CDK1: variants seen among roughly 807,000 people sequenced by gnomAD.
CDK1 encodes cyclin-dependent kinase 1.
CDK1 carries 5 observed loss-of-function variants against 34.6 expected under a neutral mutation model. The ratio of observed to expected loss-of-function variants is 0.14; its 90% CI spans 0.08 to 0.30. The LOEUF is 0.30. Among genes scored for constraint, CDK1 ranks in the 10% least tolerant of loss-of-function variants. The pLI is 1.00. For synonymous variants in CDK1, 108 were observed against 114.7 expected (o/e 0.94, Z 0.37); for missense variants, 157 against 345.7 (o/e 0.45, Z 4.33).
In CDK1 at chr10:60,784,235, AT is replaced by A. The variant is rs3213044; in HGVS notation, c.38-467del. Among the ~76,000 whole-genome samples, 640 of 152,304 alleles carry A rather than the reference AT, an allele frequency of 4.2e-3. 2 individuals are homozygous for A. Among genetic ancestry groups the A allele is most frequent in the Non-Finnish European group, 6.9e-3 (466 of 68,022 alleles). ...GCCATACAGATTGTAGTTACTCTCAATTTCTTTTTGGAAGCAATGAGGGTAT... is the reference window on the plus strand; with the variant it reads ...GCCATACAGATTGTAGTTACTCTCAATTCTTTTTGGAAGCAATGAGGGTAT... On this transcript the variant is annotated intron_variant, in intron 2 of 7. Coordinates refer to ENST00000395284, the MANE Select transcript of CDK1 (RefSeq NM_001786.5).
chr10:60,790,739 C>A (rs894005657), intron 5 of CDK1, among the ~76,000 whole-genome samples: 3 of 152,252 alleles, frequency 2.0e-5, no homozygotes, highest in Non-Finnish European at 2.9e-5. Flanking sequence ...CATTGTTCTG[C>A]ATGTGGATTA....
intron 4 of CDK1, chr10:60,787,179 C>A: frequency 2.3e-6 from 1 of 441,600 alleles, no homozygotes; most frequent in Non-Finnish European, 3.0e-6. Flanking sequence ...CACTAGAAAC[C>A]ATACTTCATT....
rs3213047 is a variant in CDK1, at chr10:60,785,493, C to T, written c.195-171C>T. ...TACAAGGCTTAATTTTAAATAGTTG[C>T]CCTGAGATTCCTTTCTTAAATTTGA... On this transcript the variant is annotated intron_variant, in intron 3 of 7. Transcript: ENST00000395284. 6.4e-3 allele frequency among the ~76,000 whole-genome samples: 970 copies of T among 152,270 alleles called. 12 individuals carry two copies. The highest frequency in any genetic ancestry group is 0.022 in the African/African-American group (931 of 41,558).
intron 5 of CDK1, among the ~76,000 whole-genome samples, chr10:60,789,152 G>A (rs533830269): frequency 2.8e-4 from 43 of 152,168 alleles, no homozygotes; most frequent in African/African-American, 1.0e-3. Flanking sequence ...GGTACAGTGT[G>A]GTATTTGGAT....
chr10:60,791,298 G>A (rs2080358170), intron 5 of CDK1, among the ~76,000 whole-genome samples: 1 of 151,902 alleles, frequency 6.6e-6, no homozygotes, highest in African/African-American at 2.4e-5. Flanking sequence ...CTTTCTTGAT[G>A]TTATTTTTCA....
chr10:60,790,389 A>G (rs1213411740), intron 5 of CDK1, among the ~76,000 whole-genome samples: 2 of 152,088 alleles, frequency 1.3e-5, no homozygotes, highest in Non-Finnish European at 2.9e-5. Flanking sequence ...GCCCATACAC[A>G]GGCATGCACC....
At chr10:60,786,217 A>T (rs1456240664) in intron 4 of CDK1, 26 of 914,416 alleles carry the variant, frequency 2.8e-5, no homozygotes, top group Non-Finnish European at 3.3e-5. Context: ...ACTGAAGTAT[A>T]TAAAAGTGTC....
chr10:60,794,675 A>G lies in CDK1; in HGVS notation c.*700A>G, dbSNP rs1024932526. ...GTAGGTTTTGAAAGCTTTTTGTCTA[A>G]GTGAATTCTTATGCCTTGGTCAGAG... is the stretch of plus-strand genomic sequence containing the variant. On this transcript the variant is annotated 3_prime_UTR_variant, in exon 8 of 8. Coordinates refer to ENST00000395284, the MANE Select transcript of CDK1 (RefSeq NM_001786.5). The G allele has an allele frequency of 6.6e-6, 1 of 152,130 alleles. No individual in the cohort carries two copies. Among genetic ancestry groups the G allele is most frequent in the African/African-American group, 2.4e-5 (1 of 41,444 alleles). 9.4% of individuals were successfully genotyped at this position (152,130 alleles called of 1,614,324 possible).
At chr10:60,788,847 C>G (rs746734403) in intron 5 of CDK1, among the ~76,000 whole-genome samples, 14 of 152,080 alleles carry the variant, frequency 9.2e-5, no homozygotes, top group Non-Finnish European at 1.5e-4. Flanking sequence ...AAGACTGTCT[C>G]CAGATCAAAA....
intron 2 of CDK1, among the ~76,000 whole-genome samples, chr10:60,780,688 T>C (rs1250585608): frequency 1.3e-5 from 2 of 152,140 alleles, no homozygotes; most frequent in Non-Finnish European, 2.9e-5. Flanking sequence ...AAATGACCTG[T>C]CATATAGACA....
Position 60,786,690 on chromosome 10 carries a change from A to G in CDK1, c.318+903A>G, listed in dbSNP as rs113978841. On this transcript the variant is annotated intron_variant, in intron 4 of 7. Transcript: ENST00000395284. ...TTACTCTTAAATACTCATGGTGTGT[A>G]ATACTTATTGTTTTAGTACATCATT... 990 of 199,370 alleles carry G rather than the reference A, an allele frequency of 5.0e-3. 12 individuals carry two copies. Among genetic ancestry groups the G allele is most frequent in the African/African-American group, 0.022 (951 of 42,400 alleles). 12.4% of individuals were successfully genotyped at this position (199,370 alleles called of 1,614,324 possible).
chr10:60,784,117 A>G (rs915211640), intron 2 of CDK1, among the ~76,000 whole-genome samples: 1 of 152,228 alleles, frequency 6.6e-6, no homozygotes, highest in African/African-American at 2.4e-5. Flanking sequence ...TAATTTGCAA[A>G]TGATCTATTT....
chr10:60,781,749 A>AT (rs1330653665), intron 2 of CDK1, among the ~76,000 whole-genome samples: 1 of 152,022 alleles, frequency 6.6e-6, no homozygotes, highest in Non-Finnish European at 1.5e-5. Flanking sequence ...TACTGGCTTC[A>AT]TTTTTTATCT....
intron 2 of CDK1, 50 bp downstream of exon 2, chr10:60,780,252 C>T (rs369234742): frequency 4.3e-6 from 4 of 933,606 alleles, no homozygotes; most frequent in African/African-American, 1.6e-5. Flanking sequence ...AACAATGCTA[C>T]AACTTCTGTA....
intron 2 of CDK1, among the ~76,000 whole-genome samples, chr10:60,781,241 C>T (rs528435839): frequency 5.4e-4 from 82 of 152,094 alleles, no homozygotes; most frequent in African/African-American, 1.9e-3. Context: ...ATATATTTTT[C>T]TTTAAGATGA....
At chr10:60,790,471 T>A (rs1167397448) in intron 5 of CDK1, among the ~76,000 whole-genome samples, 2 of 152,200 alleles carry the variant, frequency 1.3e-5, no homozygotes, top group Non-Finnish European at 2.9e-5. Flanking sequence ...GTTCTCGAAC[T>A]CCTGGGCTCA....
intron 4 of CDK1, chr10:60,786,701 T>A (rs1203181919): frequency 4.4e-6 from 1 of 229,272 alleles, no homozygotes; most frequent in African/African-American, 2.3e-5. Flanking sequence ...ATACTTATTG[T>A]TTTAGTACAT....
intron 2 of CDK1, among the ~76,000 whole-genome samples, chr10:60,780,557 G>C (rs774900145): frequency 6.6e-6 from 1 of 152,032 alleles, no homozygotes; most frequent in African/African-American, 2.4e-5. Flanking sequence ...TATATTTTTA[G>C]TTTTAGTCTC....
At chr10:60,786,467 A>G (rs752021351) in intron 4 of CDK1, 17 of 490,994 alleles carry the variant, frequency 3.5e-5, no homozygotes, top group Non-Finnish European at 4.2e-5. Flanking sequence ...CCACTTCCAT[A>G]TTGATGAACA....
Sources: gnomAD v4.1 joint callset for allele counts (sites outside exome capture counted in the v4.1 genomes callset) on GRCh38, gnomAD v4.1.1 for gene constraint, MANE v1.5 for transcripts, NCBI Gene and HGNC (gene_info 2026-07-23, HGNC 2026-07-21) for gene names.